The following EVL variants were observed in gnomAD, a reference collection of about 807,000 sequenced individuals.
EVL encodes the protein Enah/Vasp-like.
A neutral mutation model predicts 59.6 loss-of-function variants in EVL; 21 were observed. The observed-to-expected ratio is 0.35, with a 90% CI of 0.25 to 0.51. The LOEUF is 0.51. Ranked by LOEUF, EVL falls within the 20% of genes least tolerant of loss-of-function variation. The pLI is 0.97. For synonymous variants in EVL, 198 were observed against 203.5 expected, an observed-to-expected ratio of 0.97 and a Z score of 0.23; for missense variants, 462 against 546.6, an observed-to-expected ratio of 0.85 and a Z score of 1.54.
chr14:100,125,080 C>A (rs1207824901), intron 4 of EVL, among the ~76,000 whole-genome samples: 2 of 139,738 alleles, frequency 1.4e-5, no homozygotes, highest in Non-Finnish European at 3.1e-5. Flanking sequence ...CACGGTGGGA[C>A]CACACACAGA....
chr14:99,990,855 C>A (rs1052086969), intron 1 of EVL, among the ~76,000 whole-genome samples: 11 of 151,990 alleles, frequency 7.2e-5, no homozygotes, highest in Non-Finnish European at 1.5e-4. Context: ...ACTTTGCATT[C>A]TTTGGATACA....
At chr14:100,029,212 A>G (rs1366734919) in intron 1 of EVL, among the ~76,000 whole-genome samples, 1 of 152,242 alleles carries the variant, frequency 6.6e-6, no homozygotes, top group African/African-American at 2.4e-5. Context: ...GGAAGAATTT[A>G]GCTGGGCTTC....
chr14:100,129,077 C>T (rs1566722778), intron 6 of EVL, among the ~76,000 whole-genome samples: 1 of 152,212 alleles, frequency 6.6e-6, no homozygotes, highest in Non-Finnish European at 1.5e-5. Flanking sequence ...GGACTCAAGC[C>T]TGGGTCTCCT....
intron 1 of EVL, among the ~76,000 whole-genome samples, chr14:99,980,177 G>C (rs369556720): frequency 8.5e-5 from 13 of 152,306 alleles, no homozygotes; most frequent in East Asian, 3.9e-4. Context: ...CTGTATAACA[G>C]TTTTAAAAAT....
intron 1 of EVL, among the ~76,000 whole-genome samples, chr14:100,059,557 T>C (rs544542621): frequency 3.3e-5 from 5 of 152,330 alleles, no homozygotes; most frequent in African/African-American, 1.2e-4. Flanking sequence ...AGAGATCGCC[T>C]GCTGTAGGGC....
chr14:100,142,435 TG>T lies in EVL; in HGVS notation c.1219+645del, dbSNP rs1464344862. ...TCTGCAGCCAGAGGAAAAGGGGGAGTGGGCAGGGCAGACTCAGTCTAGGGAC... is the reference window on the plus strand; with the variant it reads ...TCTGCAGCCAGAGGAAAAGGGGGAGTGGCAGGGCAGACTCAGTCTAGGGAC... On this transcript the variant is annotated intron_variant, in intron 13 of 13. Coordinates refer to ENST00000392920, the MANE Select transcript of EVL (RefSeq NM_016337.3). Among the ~76,000 whole-genome samples the T allele has an allele frequency of 2.0e-5, 3 of 151,876 alleles. No individual in the cohort carries two copies. The East Asian group carries it at 5.8e-4, about 30-fold the overall frequency.
At chr14:99,999,428 C>T (rs1341952754) in intron 1 of EVL, among the ~76,000 whole-genome samples, 1 of 152,136 alleles carries the variant, frequency 6.6e-6, no homozygotes, top group Non-Finnish European at 1.5e-5. Flanking sequence ...TTGCCATTCC[C>T]TCAGGATTAA....
At chr14:100,129,335 G>C (rs7157677) in intron 6 of EVL, among the ~76,000 whole-genome samples, 11,619 of 151,988 alleles carry the variant, frequency 0.076, 949 homozygotes, top group African/African-American at 0.2. Context: ...GCAGGCCTGG[G>C]GAGTGTCTGC....
At chr14:99,983,551 G>GT (rs934518801) in intron 1 of EVL, among the ~76,000 whole-genome samples, 2 of 152,200 alleles carry the variant, frequency 1.3e-5, no homozygotes, top group Non-Finnish European at 2.9e-5. Flanking sequence ...CTTTTCCCAT[G>GT]TATTTGTCCT....
chr14:100,041,625 A>G (rs1172630844), intron 1 of EVL, among the ~76,000 whole-genome samples: 2 of 152,250 alleles, frequency 1.3e-5, no homozygotes, highest in African/African-American at 2.4e-5. Context: ...CTTTTAAGAG[A>G]TTATTATTAG....
At chr14:100,119,448 C>T (rs1887556699) in intron 3 of EVL, among the ~76,000 whole-genome samples, 1 of 152,176 alleles carries the variant, frequency 6.6e-6, no homozygotes, top group Non-Finnish European at 1.5e-5. Flanking sequence ...CTGAGAACCA[C>T]CACCACTCAT....
At chr14:100,097,736 C>T (rs1480984452) in intron 3 of EVL, 78 bp downstream of exon 3, 9 of 1,392,910 alleles carry the variant, frequency 6.5e-6, no homozygotes, top group Admixed American at 2.3e-5. Context: ...TCTGGCTCTC[C>T]GGGTATCCTA....
intron 1 of EVL, among the ~76,000 whole-genome samples, chr14:99,978,271 G>A (rs1399910628): frequency 4.0e-5 from 6 of 151,804 alleles, no homozygotes. Flanking sequence ...GCATGGTGGC[G>A]GGTGCCTGTA....
chr14:100,034,751 T>A (rs762945203), intron 1 of EVL, among the ~76,000 whole-genome samples: 2 of 151,584 alleles, frequency 1.3e-5, no homozygotes, highest in South Asian at 2.1e-4. Flanking sequence ...AAAAAAAAAA[T>A]GCGTAAGATA....
intron 1 of EVL, chr14:99,977,421 TG>T (rs2060777333): frequency 6.6e-6 from 1 of 152,146 alleles, no homozygotes; most frequent in African/African-American, 2.4e-5. Flanking sequence ...ATTTTTTAGA[TG>T]GAGTCTCACT....
intron 3 of EVL, among the ~76,000 whole-genome samples, chr14:100,117,790 C>G (rs1010873603): frequency 6.6e-6 from 1 of 152,338 alleles, no homozygotes; most frequent in East Asian, 1.9e-4. Flanking sequence ...TGGTGTGTCA[C>G]TCACTGATAG....
chr14:99,983,150 A>G (rs969572547), intron 1 of EVL, among the ~76,000 whole-genome samples: 5 of 152,210 alleles, frequency 3.3e-5, no homozygotes, highest in African/African-American at 1.2e-4. Flanking sequence ...TCAGATGACT[A>G]TATGACTTCA....
chr14:100,143,784 G>C lies in EVL; in HGVS notation c.*46G>C. On this transcript the variant is annotated 3_prime_UTR_variant, in exon 14 of 14. Coordinates refer to ENST00000392920, the MANE Select transcript of EVL (RefSeq NM_016337.3). Reference sequence around the variant, plus strand: ...GATTCGTCGAGCCCATCCGGCGACAGAGGACAGCCAGAAGCCCAGCCAGCC... The same window carrying C: ...GATTCGTCGAGCCCATCCGGCGACACAGGACAGCCAGAAGCCCAGCCAGCC... 1 of 1,599,762 alleles carries C rather than the reference G, an allele frequency of 6.3e-7. No individual in the cohort carries two copies. The highest frequency in any genetic ancestry group is 8.5e-7 in the Non-Finnish European group (1 of 1,173,306).
In EVL at chr14:99,999,776, T is replaced by A. The variant is rs188671755; in HGVS notation, c.5+27719T>A. 3.3e-5 allele frequency among the ~76,000 whole-genome samples: 5 copies of A among 152,300 alleles called. No homozygotes were observed. The East Asian group carries it at 9.7e-4, about 29-fold the overall frequency. On this transcript the variant is annotated intron_variant, in intron 1 of 13. Transcript: ENST00000402714. ...TTACTATGAAGAGGGCATACTGTGGTGGGGGGTCACTCTCTTCCCCTGTGA... is the reference window on the plus strand; with the variant it reads ...TTACTATGAAGAGGGCATACTGTGGAGGGGGGTCACTCTCTTCCCCTGTGA...
Sources: gnomAD v4.1 joint callset for allele counts (sites outside exome capture counted in the v4.1 genomes callset) on GRCh38, gnomAD v4.1.1 for gene constraint, MANE v1.5 for transcripts, NCBI Gene and HGNC (gene_info 2026-07-23, HGNC 2026-07-21) for gene names.